Variants in PLCB1 observed in about 807,000 individuals in gnomAD.
PLCB1 encodes the protein 1-phosphatidylinositol 4,5-bisphosphate phosphodiesterase beta-1.
Under a neutral mutation model 161.8 loss-of-function variants are expected in PLCB1, and 46 were observed. That is an observed-to-expected ratio of 0.28 (90% CI 0.22 to 0.36). PLCB1 has a LOEUF of 0.36. Among genes scored for constraint, PLCB1 ranks in the 10% least tolerant of loss-of-function variants. PLCB1 has a pLI of 1.00. For synonymous variants in PLCB1, 517 were observed against 503.7 expected (o/e 1.03, Z -0.35); for missense variants, 1,016 against 1,472.5 (o/e 0.69, Z 5.07).
intron 9 of PLCB1, among the ~76,000 whole-genome samples, chr20:8,661,617 C>A (rs1213631892): frequency 6.6e-6 from 1 of 151,968 alleles, no homozygotes; most frequent in Non-Finnish European, 1.5e-5. Flanking sequence ...AAGGCATGTA[C>A]ACAAAAACGG....
Position 8,311,311 on chromosome 20 carries a change from G to A in PLCB1, c.178-60071G>A, listed in dbSNP as rs561798243. Among the ~76,000 whole-genome samples the A allele has an allele frequency of 9.9e-5, 15 of 152,280 alleles. No homozygotes were observed. In the East Asian group the frequency reaches 1.3e-3, roughly 14 times the overall value. ...ACTGAGAAAAGGTGGTATGATTTGTGGCAGTTCAATTGGCAGAATTTAGAA... is the reference window on the plus strand; with the variant it reads ...ACTGAGAAAAGGTGGTATGATTTGTAGCAGTTCAATTGGCAGAATTTAGAA... On this transcript the variant is annotated intron_variant, in intron 2 of 31. Transcript: ENST00000338037.
rs1199886510 is a variant in PLCB1 at position 8,415,095 on chromosome 20, CAG to C, written c.246+43648_246+43649del. Among the ~76,000 whole-genome samples the C allele has an allele frequency of 3.3e-5, 5 of 152,332 alleles. No homozygotes were observed. The East Asian group carries it at 9.6e-4, about 29-fold the overall frequency. ...ATTAGCAGTGTGTTCATTTTATCCACAGAGGAGTCCTTGATGCAATAGGGTGA... is the reference window on the plus strand; with the variant it reads ...ATTAGCAGTGTGTTCATTTTATCCACAGGAGTCCTTGATGCAATAGGGTGA... On this transcript the variant is annotated intron_variant, in intron 3 of 31. Transcript: ENST00000338037.
intron 3 of PLCB1, among the ~76,000 whole-genome samples, chr20:8,479,452 T>C (rs1982411614): frequency 6.6e-6 from 1 of 152,234 alleles, no homozygotes; most frequent in South Asian, 2.1e-4. Context: ...TCTATGTCTA[T>C]TAACTGACAA....
chr20:8,522,472 A>G (rs1381586786), intron 3 of PLCB1, among the ~76,000 whole-genome samples: 3 of 142,860 alleles, frequency 2.1e-5, no homozygotes, highest in African/African-American at 7.8e-5. Context: ...TAAAATTCAA[A>G]GCCTAGTCTT....
chr20:8,586,556 A>G (rs1228041603), intron 3 of PLCB1, among the ~76,000 whole-genome samples: 1 of 152,152 alleles, frequency 6.6e-6, no homozygotes, highest in East Asian at 1.9e-4. Flanking sequence ...AGGCTTGATA[A>G]TTACGTCCCT....
intron 3 of PLCB1, among the ~76,000 whole-genome samples, chr20:8,506,521 G>T (rs772747063): frequency 2.2e-4 from 33 of 152,170 alleles, no homozygotes; most frequent in Non-Finnish European, 4.1e-4. Flanking sequence ...ATAAGCCAAA[G>T]TACATCAGGA....
intron 1 of PLCB1, among the ~76,000 whole-genome samples, chr20:8,144,788 A>C (rs544729671): frequency 6.6e-6 from 1 of 152,186 alleles, no homozygotes; most frequent in South Asian, 2.1e-4. Flanking sequence ...CTGCTTCCTG[A>C]TGCAAGTCTT....
At chr20:8,824,163 G>C (rs1985573697) in intron 31 of PLCB1, among the ~76,000 whole-genome samples, 1 of 152,048 alleles carries the variant, frequency 6.6e-6, no homozygotes, top group Non-Finnish European at 1.5e-5. Context: ...TTTACTATTA[G>C]ACTGCAGATT....
chr20:8,224,277 G>T (rs1979560664), intron 2 of PLCB1, among the ~76,000 whole-genome samples: 1 of 152,126 alleles, frequency 6.6e-6, no homozygotes, highest in Admixed American at 6.6e-5. Flanking sequence ...AATTAAAAAT[G>T]ATCGTATCTA....
At chr20:8,464,181 G>A (rs1472925241) in intron 3 of PLCB1, among the ~76,000 whole-genome samples, 1 of 152,142 alleles carries the variant, frequency 6.6e-6, no homozygotes, top group Non-Finnish European at 1.5e-5. Context: ...TTATTCCTCT[G>A]AAGTAATCTC....
At chr20:8,803,615 A>G (rs1054778417) in intron 31 of PLCB1, among the ~76,000 whole-genome samples, 5 of 152,076 alleles carry the variant, frequency 3.3e-5, no homozygotes, top group African/African-American at 7.2e-5. Flanking sequence ...CCGACATATA[A>G]TATCAATTTC....
chr20:8,217,500 T>G (rs1600240797), intron 2 of PLCB1, among the ~76,000 whole-genome samples: 1 of 151,980 alleles, frequency 6.6e-6, no homozygotes, highest in South Asian at 2.1e-4. Context: ...GAGAGAAAGG[T>G]GTAGCTGTTC....
Position 8,783,087 on chromosome 20 carries a change from T to C in PLCB1, c.3112-5362T>C, listed in dbSNP as rs148821385. On this transcript the variant is annotated intron_variant, in intron 27 of 31. Coordinates refer to ENST00000338037, the MANE Select transcript of PLCB1 (RefSeq NM_015192.4). ...CCTTTCTGTTAACTCCTTAAAAGGT[T>C]TGGAACATTGAGCTGGGAGAGTTAT... Among the ~76,000 whole-genome samples the C allele has an allele frequency of 7.9e-5, 12 of 152,268 alleles. No homozygotes were observed. In the East Asian group the frequency reaches 2.3e-3, roughly 29 times the overall value.
chr20:8,383,956 T>C (rs1230043667), intron 3 of PLCB1, among the ~76,000 whole-genome samples: 2 of 152,142 alleles, frequency 1.3e-5, no homozygotes, highest in African/African-American at 2.4e-5. Context: ...TCTTAACATT[T>C]TTTCCTACAT....
chr20:8,521,116 T>C (rs1016841188), intron 3 of PLCB1, among the ~76,000 whole-genome samples: 2 of 152,196 alleles, frequency 1.3e-5, no homozygotes, highest in Admixed American at 1.3e-4. Flanking sequence ...AAATTATTCT[T>C]ATCCATTTAT....
At chr20:8,644,404 G>T in intron 4 of PLCB1, among the ~76,000 whole-genome samples, 1 of 144,548 alleles carries the variant, frequency 6.9e-6, no homozygotes, top group East Asian at 2.0e-4. Flanking sequence ...GTCTCTGCCC[G>T]GCCACCCATC....
rs115956677 is a variant in PLCB1 at position 8,456,036 on chromosome 20, G to T, written c.246+84586G>T. ...TCTGGTTTAATCAATGACTGATCTTGCTTGGATGCTTGATACAGAGAAAAT... is the reference window on the plus strand; with the variant it reads ...TCTGGTTTAATCAATGACTGATCTTTCTTGGATGCTTGATACAGAGAAAAT... On this transcript the variant is annotated intron_variant, in intron 3 of 31. Transcript: ENST00000338037. Among the ~76,000 whole-genome samples the T allele has an allele frequency of 7.5e-3, 1,144 of 152,298 alleles. 23 individuals are homozygous for T. The highest frequency in any genetic ancestry group is 0.026 in the African/African-American group (1,060 of 41,556).
intron 12 of PLCB1, among the ~76,000 whole-genome samples, chr20:8,711,714 C>T (rs960941957): frequency 2.6e-5 from 4 of 152,118 alleles, no homozygotes; most frequent in Non-Finnish European, 2.9e-5. Flanking sequence ...CAAAGAAAAC[C>T]GATAAGCTTT....
chr20:8,146,105 G>GTTTTTTTTT (rs58227641), intron 1 of PLCB1, among the ~76,000 whole-genome samples: 2 of 141,752 alleles, frequency 1.4e-5, no homozygotes, highest in Non-Finnish European at 3.1e-5. Flanking sequence ...TGTTTTTTTT[G>GTTTTTTTTT]TTTTTTTTTT....
Sources: allele counts gnomAD v4.1 joint callset (sites outside exome capture counted in the v4.1 genomes callset), GRCh38; gene constraint gnomAD v4.1.1; transcripts MANE v1.5; gene names NCBI Gene and HGNC (gene_info 2026-07-23, HGNC 2026-07-21).